The following LRBA variants were observed in gnomAD, a reference collection of about 807,000 sequenced individuals.
LRBA encodes lipopolysaccharide-responsive and beige-like anchor protein.
Under a neutral mutation model 330.0 loss-of-function variants are expected in LRBA, and 176 were observed. That is an observed-to-expected ratio of 0.53 (90% CI 0.47 to 0.60). The LOEUF is 0.60. Among genes scored for constraint, LRBA ranks in the 20% least tolerant of loss-of-function variants. The pLI is 0.00. For missense variants in LRBA, 3,259 were observed against 3,444.8 expected, an observed-to-expected ratio of 0.95 and a Z score of 1.35; for synonymous variants, 1,230 against 1,193.0, an observed-to-expected ratio of 1.03 and a Z score of -0.64.
chr4:150,732,631 T>C (rs1354592640), intron 36 of LRBA, among the ~76,000 whole-genome samples: 12 of 152,168 alleles, frequency 7.9e-5, no homozygotes, highest in Non-Finnish European at 1.5e-5. Context: ...GGGTTGTTTT[T>C]CTTATAAGAA....
At chr4:150,422,979 G>A (rs1561155642) in intron 46 of LRBA, 1 of 780,934 alleles carries the variant, frequency 1.3e-6, no homozygotes, top group South Asian at 1.3e-5. Context: ...AGTATTTCTG[G>A]TCCAATGGTG....
chr4:150,420,449 A>AGT (rs1554021973), intron 46 of LRBA, among the ~76,000 whole-genome samples: 58 of 93,878 alleles, frequency 6.2e-4, no homozygotes, highest in East Asian at 1.3e-3. Context: ...ATACATATAT[A>AGT]ATATATAAAG....
At position 150,790,582 on chromosome 4, in the gene LRBA, T is replaced by C. The variant is rs1206082015; in HGVS notation, c.5580+7499A>G. Among the ~76,000 whole-genome samples the C allele has an allele frequency of 2.6e-5, 4 of 152,222 alleles. No homozygotes were observed. In the East Asian group the frequency reaches 7.7e-4, roughly 29 times the overall value. Reference sequence around the variant, plus strand: ...TATAAAATTTTGAATCAATAAAGCATGTTTGCATATCAGCAATAAAGTACA... The same window carrying C: ...TATAAAATTTTGAATCAATAAAGCACGTTTGCATATCAGCAATAAAGTACA... On this transcript the variant is annotated intron_variant, in intron 34 of 56. Transcript: ENST00000651943.
intron 36 of LRBA, among the ~76,000 whole-genome samples, chr4:150,685,795 T>C (rs1783569753): frequency 6.6e-6 from 1 of 151,888 alleles, no homozygotes; most frequent in Non-Finnish European, 1.5e-5. Context: ...AGCTGAATTG[T>C]ATAAAGAGGA....
At chr4:150,942,812 T>A (rs1735826298) in intron 2 of LRBA, among the ~76,000 whole-genome samples, 1 of 152,188 alleles carries the variant, frequency 6.6e-6, no homozygotes, top group Non-Finnish European at 1.5e-5. Context: ...AATCAGACTA[T>A]CTGACTCATA....
chr4:150,909,829 T>C (rs1258080110), intron 9 of LRBA, among the ~76,000 whole-genome samples: 2 of 152,144 alleles, frequency 1.3e-5, no homozygotes, highest in Non-Finnish European at 2.9e-5. Flanking sequence ...ACTTGTTATT[T>C]TGTTTTCTTT....
chr4:150,490,030 C>T (rs1009496199), intron 41 of LRBA, among the ~76,000 whole-genome samples: 2 of 151,222 alleles, frequency 1.3e-5, no homozygotes, highest in African/African-American at 2.4e-5. Context: ...AGCAAGGATG[C>T]GGACTGAAAT....
chr4:150,431,647 A>C (rs1360848559), intron 46 of LRBA, among the ~76,000 whole-genome samples: 1 of 152,194 alleles, frequency 6.6e-6, no homozygotes, highest in African/African-American at 2.4e-5. Context: ...TAAATTATTA[A>C]AATTAATTTT....
chr4:150,806,308 CA>C lies in LRBA; in HGVS notation c.5480del (p.Leu1827TrpfsTer10). The C allele has an allele frequency of 6.2e-7, 1 of 1,607,708 alleles. No homozygotes were observed. The highest frequency in any genetic ancestry group is 8.5e-7 in the Non-Finnish European group (1 of 1,177,132). On this transcript the variant is annotated frameshift_variant, in exon 33 of 57. Coordinates refer to ENST00000651943, the MANE Select transcript of LRBA (RefSeq NM_001364905.1). LOFTEE classifies it high-confidence loss of function. Reference sequence around the variant, plus strand: ...TAAGCAGTTCTTGTCCATGGCTACCCAAAAGTGTCCGAGAAAGAAAAGGTGC... The same window carrying C: ...TAAGCAGTTCTTGTCCATGGCTACCCAAAGTGTCCGAGAAAGAAAAGGTGC... ...DFAPFLSRTL[L>X]GSHGQELLIE... is the part of the protein sequence containing the mutation.
At chr4:150,913,160 T>C (rs1732200834) in intron 9 of LRBA, among the ~76,000 whole-genome samples, 1 of 152,176 alleles carries the variant, frequency 6.6e-6, no homozygotes, top group South Asian at 2.1e-4. Flanking sequence ...CTGGAGAATG[T>C]TCTGTGTGTG....
chr4:150,929,998 T>C (rs1048695553), intron 2 of LRBA, among the ~76,000 whole-genome samples: 25 of 152,158 alleles, frequency 1.6e-4, no homozygotes, highest in Admixed American at 4.6e-4. Flanking sequence ...AGGTATGCAA[T>C]AATTAGAAGA....
chr4:150,810,354 G>A (rs1743544012), intron 31 of LRBA, among the ~76,000 whole-genome samples: 1 of 152,166 alleles, frequency 6.6e-6, no homozygotes, highest in Non-Finnish European at 1.5e-5. Flanking sequence ...AGTACAAAAT[G>A]AACTTAACTG....
intron 26 of LRBA, among the ~76,000 whole-genome samples, chr4:150,845,667 T>C (rs1472761311): frequency 6.6e-6 from 1 of 151,908 alleles, no homozygotes; most frequent in Non-Finnish European, 1.5e-5. Context: ...CTAGCAGGCA[T>C]GAGAATTTAG....
intron 13 of LRBA, 63 bp from the exon 14 acceptor site, chr4:150,900,280 C>G: frequency 8.1e-7 from 1 of 1,227,428 alleles, no homozygotes; most frequent in Non-Finnish European, 1.2e-6. Flanking sequence ...TCCAGTAACA[C>G]TTCCAGGCTG....
At chr4:150,672,533 TCC>T (rs1315466704) in intron 37 of LRBA, among the ~76,000 whole-genome samples, 4 of 152,026 alleles carry the variant, frequency 2.6e-5, no homozygotes, top group African/African-American at 9.7e-5. Context: ...CATATATCAA[TCC>T]TTTAGTATTC....
At chr4:150,848,426 C>A (rs1327707779) in intron 26 of LRBA, among the ~76,000 whole-genome samples, 1 of 151,974 alleles carries the variant, frequency 6.6e-6, no homozygotes, top group Non-Finnish European at 1.5e-5. Context: ...AGAAGCACTA[C>A]TTTAGAGCAA....
intron 40 of LRBA, among the ~76,000 whole-genome samples, chr4:150,507,008 T>G (rs1761176839): frequency 6.6e-6 from 1 of 151,360 alleles, no homozygotes; most frequent in Non-Finnish European, 1.5e-5. Flanking sequence ...TACCTAGGAA[T>G]CCAACTTACA....
chr4:150,681,427 A>C (rs1783048793), intron 37 of LRBA, among the ~76,000 whole-genome samples: 2 of 152,196 alleles, frequency 1.3e-5, no homozygotes, highest in East Asian at 3.8e-4. Context: ...TCCACACTTC[A>C]CATTATTGGG....
At chr4:150,866,148 TTAAA>T (rs1319394119) in intron 22 of LRBA, among the ~76,000 whole-genome samples, 2 of 152,310 alleles carry the variant, frequency 1.3e-5, no homozygotes, top group African/African-American at 4.8e-5. Flanking sequence ...CAATTTTTTA[TTAAA>T]TAAATAGCTA....
Sources: gnomAD v4.1 joint callset for allele counts (sites outside exome capture counted in the v4.1 genomes callset) on GRCh38, gnomAD v4.1.1 for gene constraint, MANE v1.5 for transcripts, NCBI Gene and HGNC (gene_info 2026-07-23, HGNC 2026-07-21) for gene names.